CELF2: variants seen among roughly 807,000 people sequenced by gnomAD.
CELF2 encodes CUG triplet repeat RNA-binding protein 2.
In CELF2, 8 loss-of-function variants were observed where a neutral mutation model predicts 62.6. That is an observed-to-expected ratio of 0.13 (90% confidence interval 0.07 to 0.23). The LOEUF is 0.23. CELF2 is among the 10% of genes least tolerant of loss of function. The pLI is 1.00. For synonymous variants in CELF2, 258 were observed against 250.0 expected (o/e 1.03, Z -0.30); for missense variants, 333 against 671.0 (o/e 0.50, Z 5.56).
At chr10:10,737,979 C>T in the CELF2 span, among the ~76,000 whole-genome samples, 92 of 152,292 alleles carry the variant, frequency 6.0e-4, no homozygotes, top group African/African-American at 2.1e-3. Context: ...CATCATCTGA[C>T]ATCAAGCTCA....
chr10:11,079,763 A>C (rs2762550), intron 1 of CELF2, among the ~76,000 whole-genome samples: 2 of 129,190 alleles, frequency 1.5e-5, no homozygotes, highest in African/African-American at 2.9e-5. Context: ...TTTTTAGGCC[A>C]TGGAATCTAG....
the CELF2 span, among the ~76,000 whole-genome samples, chr10:10,600,664 A>T: frequency 6.6e-6 from 1 of 152,236 alleles, no homozygotes; most frequent in African/African-American, 2.4e-5. Context: ...TTTAACATGT[A>T]AAGCAGGGAG....
chr10:10,890,879 G>A (rs2062089719), intron 1 of CELF2, among the ~76,000 whole-genome samples: 1 of 152,204 alleles, frequency 6.6e-6, no homozygotes, highest in Non-Finnish European at 1.5e-5. Flanking sequence ...GCTGGGCGTG[G>A]TGGCAGGTGC....
the CELF2 span, among the ~76,000 whole-genome samples, chr10:10,515,066 T>G: frequency 6.6e-6 from 1 of 152,174 alleles, no homozygotes; most frequent in South Asian, 2.1e-4. Context: ...GGCATTTGGA[T>G]TTGAAAGGAG....
At chr10:10,715,285 T>A in the CELF2 span, among the ~76,000 whole-genome samples, 1 of 152,074 alleles carries the variant, frequency 6.6e-6, no homozygotes, top group African/African-American at 2.4e-5. Flanking sequence ...GGGGAAAAAA[T>A]TTGTGTTTCT....
chr10:11,090,593 T>C (rs998125140), intron 1 of CELF2, among the ~76,000 whole-genome samples: 2 of 152,212 alleles, frequency 1.3e-5, no homozygotes, highest in African/African-American at 4.8e-5. Flanking sequence ...TATAGCATTA[T>C]ATATAATCTT....
the CELF2 span, among the ~76,000 whole-genome samples, chr10:10,537,121 C>G: frequency 6.6e-6 from 1 of 152,134 alleles, no homozygotes; most frequent in Non-Finnish European, 1.5e-5. Context: ...GGGAGGAAGC[C>G]TCCTCTTCCT....
At chr10:10,641,661 C>G in the CELF2 span, among the ~76,000 whole-genome samples, 3 of 152,068 alleles carry the variant, frequency 2.0e-5, no homozygotes, top group African/African-American at 7.2e-5. Context: ...GTTGGCCAGG[C>G]TGGTCTCACA....
the CELF2 span, among the ~76,000 whole-genome samples, chr10:10,785,103 A>G: frequency 6.6e-6 from 1 of 152,266 alleles, no homozygotes; most frequent in Non-Finnish European, 1.5e-5. Context: ...ATATGCATAA[A>G]ATTCCATATG....
At chr10:10,711,325 A>G in the CELF2 span, among the ~76,000 whole-genome samples, 2 of 152,226 alleles carry the variant, frequency 1.3e-5, no homozygotes, top group Admixed American at 6.5e-5. Context: ...CTATGACATT[A>G]TAGAATTAAT....
chr10:11,203,799 C>G (rs188031314), intron 2 of CELF2, among the ~76,000 whole-genome samples: 72 of 152,342 alleles, frequency 4.7e-4, no homozygotes, highest in Admixed American at 9.8e-4. Flanking sequence ...TTTAGGACAT[C>G]CCCTCTTGCC....
At position 11,178,775 on chromosome 10, in the gene CELF2, C is replaced by T. The variant is rs965527788; in HGVS notation, c.271+13093C>T. On this transcript the variant is annotated intron_variant, in intron 2 of 12. Coordinates refer to ENST00000633077, the MANE Select transcript of CELF2 (RefSeq NM_001326342.2). The surrounding 1 kb of genome is among the most constrained non-coding windows in gnomAD (Gnocchi z 4.3). ...CTCAGGAGATAAGAGTGGGGCCTAT[C>T]GCTCTGTGGCTTTCTCCCCCTGCAT... is the stretch of plus-strand genomic sequence containing the variant. 2.0e-5 allele frequency among the ~76,000 whole-genome samples: 3 copies of T among 152,212 alleles called. No homozygotes were observed. The highest frequency in any genetic ancestry group is 4.8e-5 in the African/African-American group (2 of 41,452).
At chr10:11,232,188 T>A (rs970836129) in intron 3 of CELF2, among the ~76,000 whole-genome samples, 1 of 151,246 alleles carries the variant, frequency 6.6e-6, no homozygotes, top group African/African-American at 2.4e-5. Context: ...TTCCCCTTCC[T>A]GTGTCCATGT....
At chr10:10,495,827 T>C in the CELF2 span, among the ~76,000 whole-genome samples, 1 of 152,180 alleles carries the variant, frequency 6.6e-6, no homozygotes, top group Non-Finnish European at 1.5e-5. Flanking sequence ...ATGGTCATAC[T>C]CTCTGAGGAC....
intron 1 of CELF2, among the ~76,000 whole-genome samples, chr10:10,910,699 C>CAAAAAAAAAAAAAAAA (rs55954207): frequency 4.3e-5 from 4 of 92,206 alleles, no homozygotes; most frequent in Admixed American, 1.5e-4. Flanking sequence ...GACTCTGCCT[C>CAAAAAAAAAAAAAAAA]AAAAAAAAAA....
chr10:10,888,042 G>A (rs2061879008), intron 1 of CELF2, among the ~76,000 whole-genome samples: 1 of 152,144 alleles, frequency 6.6e-6, no homozygotes, highest in African/African-American at 2.4e-5. Context: ...TAAAGTGCTG[G>A]GATTACAGGC....
At chr10:10,691,238 T>C in the CELF2 span, among the ~76,000 whole-genome samples, 3 of 151,534 alleles carry the variant, frequency 2.0e-5, no homozygotes, top group African/African-American at 7.3e-5. Context: ...TTCCCACCTA[T>C]GAGTGAGAAT....
At chr10:10,661,905 G>A in the CELF2 span, among the ~76,000 whole-genome samples, 2 of 152,298 alleles carry the variant, frequency 1.3e-5, no homozygotes, top group East Asian at 1.9e-4. Flanking sequence ...TCTCAGGTAA[G>A]AGATACAGAC....
the CELF2 span, among the ~76,000 whole-genome samples, chr10:10,733,511 G>A: frequency 2.6e-5 from 4 of 152,034 alleles, no homozygotes; most frequent in East Asian, 5.8e-4. Context: ...AGTTTCATGG[G>A]GCCTGTATTA....
Sources: gnomAD v4.1 joint callset for allele counts (sites outside exome capture counted in the v4.1 genomes callset) on GRCh38, gnomAD v4.1.1 for gene constraint, Gnocchi (gnomAD v3.1) non-coding constraint, MANE v1.5 for transcripts, NCBI Gene and HGNC (gene_info 2026-07-23, HGNC 2026-07-21) for gene names.